ANKRD62: variants seen among roughly 807,000 people sequenced by gnomAD.
ANKRD62 encodes ankyrin repeat domain-containing protein 62.
A neutral mutation model predicts 98.8 loss-of-function variants in ANKRD62; 61 were observed. The observed-to-expected ratio is 0.62, with a 90% CI of 0.50 to 0.76. ANKRD62 has a LOEUF of 0.76. Ranked by LOEUF, ANKRD62 falls within the 30% of genes least tolerant of loss-of-function variation. The pLI, the probability that ANKRD62 is intolerant of heterozygous loss-of-function variation, is 0.00. For synonymous variants in ANKRD62, 341 were observed against 367.9 expected, an observed-to-expected ratio of 0.93 and a Z score of 0.84; for missense variants, 933 against 1,082.9, an observed-to-expected ratio of 0.86 and a Z score of 1.94.
chr18:12,125,126 T>G (rs1215118637), intron 12 of ANKRD62, among the ~76,000 whole-genome samples: 1 of 152,196 alleles, frequency 6.6e-6, no homozygotes, highest in Admixed American at 6.5e-5. Context: ...AGTTTCTAAA[T>G]GTAATCATAG....
chr18:12,115,073 T>C lies in ANKRD62; in HGVS notation c.1065-15T>C. The C allele has an allele frequency of 1.0e-5, 14 of 1,398,060 alleles. No individual in the cohort carries two copies. Among genetic ancestry groups the C allele is most frequent in the Non-Finnish European group, 1.3e-5 (14 of 1,083,512 alleles). The allele number at this position is 1,398,060 out of a possible 1,614,324, so 86.6% of individuals were successfully genotyped here. A position where few individuals can be genotyped will look rare whatever the true frequency, so the allele number is the denominator to read the frequency against. The stretch of plus-strand genomic sequence containing the variant: ...TACTATTTGCCTGATTGGAATTTTT[T>C]GGTTTTTTTTTTAGGCTTGCAAGGA... On this transcript the variant is annotated splice_polypyrimidine_tract_variant and intron_variant, in intron 8 of 13. Coordinates refer to ENST00000587848, the MANE Select transcript of ANKRD62 (RefSeq NM_001277333.2).
At chr18:12,174,004 A>G in the ANKRD62 span, among the ~76,000 whole-genome samples, 1 of 152,058 alleles carries the variant, frequency 6.6e-6, no homozygotes, top group African/African-American at 2.4e-5. Flanking sequence ...TCTTACTGGC[A>G]TTCTGTACAT....
chr18:12,109,957 A>G (rs1165333617), intron 8 of ANKRD62, among the ~76,000 whole-genome samples: 2 of 151,166 alleles, frequency 1.3e-5, no homozygotes, highest in Non-Finnish European at 3.0e-5. Context: ...TACCAAAAAA[A>G]AAAAAAAAAA....
the ANKRD62 span, among the ~76,000 whole-genome samples, chr18:12,158,193 T>G: frequency 1.3e-5 from 2 of 152,324 alleles, no homozygotes; most frequent in East Asian, 3.9e-4. Context: ...CAGAGGAACG[T>G]GCTTTGTTTA....
chr18:12,131,407 C>T (rs1160163265), downstream of ANKRD62, among the ~76,000 whole-genome samples: 3 of 152,160 alleles, frequency 2.0e-5, no homozygotes, highest in Non-Finnish European at 1.5e-5. Flanking sequence ...TTCTTATACA[C>T]ATTACTGAAA....
At chr18:12,103,081 A>G (rs1909340782) in intron 6 of ANKRD62, 77 bp from the exon 7 acceptor site, 3 of 1,045,832 alleles carry the variant, frequency 2.9e-6, no homozygotes, top group African/African-American at 1.7e-5. Context: ...GTTATTTTCT[A>G]TTTTTATAAA....
chr18:12,112,792 G>A (rs1909571347), intron 8 of ANKRD62, among the ~76,000 whole-genome samples: 1 of 152,238 alleles, frequency 6.6e-6, no homozygotes, highest in Admixed American at 6.5e-5. Flanking sequence ...CACAAGGGAA[G>A]ACGTTTTGCA....
the ANKRD62 span, among the ~76,000 whole-genome samples, chr18:12,137,056 T>C: frequency 1.3e-5 from 2 of 152,182 alleles, no homozygotes; most frequent in African/African-American, 4.8e-5. Context: ...TCCTGCCTGA[T>C]TGCCCTGGCC....
downstream of ANKRD62, among the ~76,000 whole-genome samples, chr18:12,134,579 GTGTTCTCAT>G (rs1445057962): frequency 6.6e-6 from 1 of 152,052 alleles, no homozygotes; most frequent in Non-Finnish European, 1.5e-5. Flanking sequence ...CTGTGTCCAG[GTGTTCTCAT>G]TGTTCAGTTC....
chr18:12,129,835 C>T (rs578062684), downstream of ANKRD62: 2 of 149,362 alleles, frequency 1.3e-5, no homozygotes, highest in East Asian at 4.0e-4. Context: ...AGTCTAAAAA[C>T]AGTATTTTAT....
downstream of ANKRD62, among the ~76,000 whole-genome samples, chr18:12,132,057 C>G (rs1047874046): frequency 2.0e-5 from 3 of 152,058 alleles, no homozygotes; most frequent in Admixed American, 2.0e-4. Flanking sequence ...ATGACTCTCT[C>G]AACTTGTGAA....
chr18:12,093,849 G>T lies in ANKRD62; in HGVS notation c.-169G>T. ...ATGCGCGCTGGTGCCTAACGGCTCT[G>T]CTGGGCTAGGTGCTCCTCCGAGCAG... On this transcript the variant is annotated 5_prime_UTR_variant, in exon 1 of 14. Coordinates refer to ENST00000587848, the MANE Select transcript of ANKRD62 (RefSeq NM_001277333.2). The T allele has an allele frequency of 1.5e-6, 1 of 653,708 alleles. No homozygotes were observed. The highest frequency in any genetic ancestry group is 2.7e-6 in the Non-Finnish European group (1 of 376,008). 40.5% of individuals were successfully genotyped at this position (653,708 alleles called of 1,614,324 possible).
Position 12,097,716 on chromosome 18 carries a change from T to G in ANKRD62, c.691T>G (p.Phe231Val), listed in dbSNP as rs1909211594. The part of the protein sequence containing the change: ...YQLLQHNIDV[F>V]CQDISGWTAE... Reference sequence around the variant, plus strand: ...GCTTCTTCAGCACAATATTGATGTCTTTTGCCAAGATATATCTGGATGGAC... The same window carrying G: ...GCTTCTTCAGCACAATATTGATGTCGTTTGCCAAGATATATCTGGATGGAC... The change falls in exon 5 of 14, where the codon TTT becomes GTT. Residue 231 changes from phenylalanine (F) to valine (V), a missense_variant. Physicochemically the swap from Phe to Val is conservative, Grantham distance 50. Around this residue, in one of 3 missense-constraint regions of ANKRD62, gnomAD observed 549 missense variants for 587.9 expected, o/e 0.93. Transcript: ENST00000587848. 4 of 1,536,102 alleles carry G rather than the reference T, an allele frequency of 2.6e-6. No homozygotes were observed. The highest frequency in any genetic ancestry group is 2.6e-6 in the Non-Finnish European group (3 of 1,146,810).
Position 12,107,370 on chromosome 18 carries a change from A to AT in ANKRD62, c.967_968insT (p.Asn323IlefsTer3), listed in dbSNP as rs1039794530. On this transcript the variant is annotated frameshift_variant, in exon 8 of 14. Coordinates refer to ENST00000587848, the MANE Select transcript of ANKRD62 (RefSeq NM_001277333.2). LOFTEE classifies it high-confidence loss of function. ...AAACGTACATGCTGATGACAGTGAC[A>AT]ATTATAATGATGATGTTGATGAATT... is the stretch of plus-strand genomic sequence containing the variant. 1 of 1,526,044 alleles carries AT rather than the reference A, an allele frequency of 6.6e-7. No homozygotes were observed. The highest frequency in any genetic ancestry group is 8.8e-7 in the Non-Finnish European group (1 of 1,142,334). The allele number at this position is 1,526,044 out of a possible 1,614,324, so 94.5% of individuals were successfully genotyped here.
At chr18:12,135,521 A>G in the ANKRD62 span, among the ~76,000 whole-genome samples, 1 of 151,478 alleles carries the variant, frequency 6.6e-6, no homozygotes, top group Non-Finnish European at 1.5e-5. Context: ...GTGTGTCTTT[A>G]TAGCAGCATG....
rs1909646962 is a variant in ANKRD62, at chr18:12,115,591, A to G, written c.1240+57A>G. 10 of 1,441,716 alleles carry G rather than the reference A, an allele frequency of 6.9e-6. 1 individual carries two copies. In the South Asian group the frequency reaches 1.1e-4, roughly 15 times the overall value. 89.3% of individuals were successfully genotyped at this position (1,441,716 alleles called of 1,614,324 possible). ...CCCTATCCTATAGTAATGTATGCAC[A>G]TATTGCTTAGCACGGCACCATAGAA... On this transcript the variant is annotated intron_variant, in intron 10 of 13. Coordinates refer to ENST00000587848, the MANE Select transcript of ANKRD62 (RefSeq NM_001277333.2).
chr18:12,149,907 A>G, the ANKRD62 span, among the ~76,000 whole-genome samples: 1,618 of 150,196 alleles, frequency 0.011, no homozygotes, highest in African/African-American at 0.017. Context: ...AAGGACCACA[A>G]CAGTTCTCCA....
chr18:12,141,416 C>G, the ANKRD62 span, among the ~76,000 whole-genome samples: 1 of 152,194 alleles, frequency 6.6e-6, no homozygotes, highest in Non-Finnish European at 1.5e-5. Flanking sequence ...AAAAATCACC[C>G]GTCTTCTGTG....
At chr18:12,132,025 A>G (rs1910013030), downstream of ANKRD62, among the ~76,000 whole-genome samples, 1 of 152,096 alleles carries the variant, frequency 6.6e-6, no homozygotes, top group African/African-American at 2.4e-5. Flanking sequence ...GCATTATGTC[A>G]TGGTAAAGAA....
Sources: allele counts gnomAD v4.1 joint callset (sites outside exome capture counted in the v4.1 genomes callset), GRCh38; gene constraint gnomAD v4.1.1; regional missense constraint gnomAD v4.1.1; transcripts MANE v1.5; gene names NCBI Gene and HGNC (gene_info 2026-07-23, HGNC 2026-07-21).